NEGR1: variants seen among roughly 807,000 people sequenced by gnomAD.
The protein encoded by NEGR1 is neuronal growth regulator 1, also known as IgLON family member 4.
A neutral mutation model predicts 40.9 loss-of-function variants in NEGR1; 10 were observed. That is an observed-to-expected ratio of 0.24 (90% CI 0.15 to 0.42). The LOEUF is 0.42. Among genes scored for constraint, NEGR1 ranks in the 10% least tolerant of loss-of-function variants. The probability of loss-of-function intolerance (pLI) is 1.00; values close to 1 mark genes in which losing one functional copy is unlikely to be tolerated. For synonymous variants in NEGR1, 185 were observed against 166.8 expected, an observed-to-expected ratio of 1.11 and a Z score of -0.84; for missense variants, 352 against 438.9, an observed-to-expected ratio of 0.80 and a Z score of 1.77.
chr1:72,065,596 A>G (rs1475571735), intron 1 of NEGR1, among the ~76,000 whole-genome samples: 1 of 152,134 alleles, frequency 6.6e-6, no homozygotes, highest in African/African-American at 2.4e-5. Flanking sequence ...CAGCAATGGT[A>G]ATTGGGACAA....
intron 1 of NEGR1, among the ~76,000 whole-genome samples, chr1:72,276,075 G>T (rs1047799577): frequency 5.9e-5 from 9 of 152,106 alleles, no homozygotes; most frequent in African/African-American, 1.9e-4. Flanking sequence ...CCAGCTTGGG[G>T]GACAGAGTGA....
intron 1 of NEGR1, among the ~76,000 whole-genome samples, chr1:72,135,716 C>T (rs1046574341): frequency 6.6e-6 from 1 of 152,150 alleles, no homozygotes; most frequent in Non-Finnish European, 1.5e-5. Flanking sequence ...GCAACAGGGT[C>T]TCCTAAAGTA....
intron 6 of NEGR1, among the ~76,000 whole-genome samples, chr1:71,512,107 A>G (rs1367647813): frequency 6.6e-6 from 1 of 152,152 alleles, no homozygotes; most frequent in African/African-American, 2.4e-5. Context: ...TTTATTCTCA[A>G]ATAAAACCAA....
At chr1:71,532,585 T>C (rs965477070) in intron 6 of NEGR1, among the ~76,000 whole-genome samples, 3 of 151,648 alleles carry the variant, frequency 2.0e-5, no homozygotes, top group African/African-American at 7.3e-5. Context: ...TGCAAAGGCA[T>C]TGCAGAAGCT....
rs188771949 is a variant in NEGR1, at chr1:72,085,344, A to G, written c.177-150033T>C. On this transcript the variant is annotated intron_variant, in intron 1 of 6. Coordinates refer to ENST00000357731, the MANE Select transcript of NEGR1 (RefSeq NM_173808.3). Reference sequence around the variant, plus strand: ...TGTAGTACTAGCCTTGAAAATGTTTAAAATAATATTCCAGAGTTAATATTG... The same window carrying G: ...TGTAGTACTAGCCTTGAAAATGTTTGAAATAATATTCCAGAGTTAATATTG... Among the ~76,000 whole-genome samples the G allele has an allele frequency of 3.4e-4, 52 of 152,332 alleles. No individual in the cohort carries two copies. The East Asian group carries it at 7.7e-3, about 23-fold the overall frequency.
intron 1 of NEGR1, among the ~76,000 whole-genome samples, chr1:72,244,835 A>G (rs935855318): frequency 3.3e-5 from 5 of 151,950 alleles, no homozygotes; most frequent in African/African-American, 1.2e-4. Context: ...CAGCACTACA[A>G]CTCAGGCCTA....
chr1:71,448,250 CAG>C (rs1248229556), intron 6 of NEGR1, among the ~76,000 whole-genome samples: 1 of 147,544 alleles, frequency 6.8e-6, no homozygotes, highest in Non-Finnish European at 1.5e-5. Context: ...AAAAAAGACA[CAG>C]AGAGAGAGAG....
At chr1:71,437,489 G>A (rs191095758) in intron 6 of NEGR1, among the ~76,000 whole-genome samples, 11 of 151,996 alleles carry the variant, frequency 7.2e-5, no homozygotes, top group Middle Eastern at 3.4e-3. Flanking sequence ...CTTACCTATC[G>A]TAAATAATGG....
chr1:72,171,477 T>C (rs1179884730), intron 1 of NEGR1, among the ~76,000 whole-genome samples: 4 of 152,174 alleles, frequency 2.6e-5, no homozygotes, highest in Non-Finnish European at 5.9e-5. Flanking sequence ...CACCGATAGC[T>C]ACATGTTTAC....
intron 6 of NEGR1, among the ~76,000 whole-genome samples, chr1:71,430,998 C>T (rs200062802): frequency 2.0e-5 from 3 of 152,010 alleles, no homozygotes; most frequent in South Asian, 2.1e-4. Flanking sequence ...CCGCCCACCT[C>T]GGCCTCCCAA....
At chr1:71,698,436 AT>A (rs1345356643) in intron 3 of NEGR1, among the ~76,000 whole-genome samples, 3 of 151,786 alleles carry the variant, frequency 2.0e-5, no homozygotes, top group Non-Finnish European at 4.4e-5. Flanking sequence ...CATTTCTGTA[AT>A]TGAGTTCAAC....
At chr1:71,567,216 T>A (rs753081521) in intron 6 of NEGR1, among the ~76,000 whole-genome samples, 42 of 152,192 alleles carry the variant, frequency 2.8e-4, no homozygotes, top group Non-Finnish European at 4.9e-4. Flanking sequence ...GTTTTATTTT[T>A]ACCTCTATTT....
intron 6 of NEGR1, among the ~76,000 whole-genome samples, chr1:71,537,165 C>G (rs1647538977): frequency 6.6e-6 from 1 of 151,674 alleles, no homozygotes; most frequent in Non-Finnish European, 1.5e-5. Context: ...CTCCCCTCAA[C>G]AACTATGAGG....
intron 4 of NEGR1, among the ~76,000 whole-genome samples, chr1:71,676,357 G>A (rs1413951): frequency 0.98 from 149,716 of 152,250 alleles, 73,652 homozygotes; most frequent in Middle Eastern, 1. Context: ...AACTATTATC[G>A]TCTGGTAAAA....
chr1:72,097,185 C>T (rs1569958446), intron 1 of NEGR1, among the ~76,000 whole-genome samples: 1 of 152,106 alleles, frequency 6.6e-6, no homozygotes, highest in South Asian at 2.1e-4. Context: ...GGGTTTGAAA[C>T]CCACTGCCAC....
chr1:71,568,357 C>A (rs188112892), intron 6 of NEGR1, among the ~76,000 whole-genome samples: 5 of 152,264 alleles, frequency 3.3e-5, no homozygotes, highest in Admixed American at 6.5e-5. Context: ...AGCCCTGTTT[C>A]TGTTCTTTTA....
chr1:71,899,491 C>T (rs1337319036), intron 2 of NEGR1, among the ~76,000 whole-genome samples: 1 of 152,090 alleles, frequency 6.6e-6, no homozygotes, highest in Non-Finnish European at 1.5e-5. Flanking sequence ...GGAAGAATCA[C>T]TGAGGAAGAA....
chr1:72,163,018 G>C (rs1034127465), intron 1 of NEGR1, among the ~76,000 whole-genome samples: 5 of 151,982 alleles, frequency 3.3e-5, no homozygotes, highest in African/African-American at 1.2e-4. Flanking sequence ...TAAAAAAATA[G>C]ATTTAGGTTA....
intron 3 of NEGR1, among the ~76,000 whole-genome samples, chr1:71,708,204 C>T (rs1653968134): frequency 6.6e-6 from 1 of 151,666 alleles, no homozygotes; most frequent in Admixed American, 6.6e-5. Context: ...GATATGTGCC[C>T]TTTCAAACAG....
Sources: gnomAD v4.1 joint callset for allele counts (sites outside exome capture counted in the v4.1 genomes callset) on GRCh38, gnomAD v4.1.1 for gene constraint, MANE v1.5 for transcripts, NCBI Gene and HGNC (gene_info 2026-07-23, HGNC 2026-07-21) for gene names.